NR2F2: variants seen among roughly 807,000 people sequenced by gnomAD.
NR2F2 encodes COUP transcription factor 2.
Under a neutral mutation model 34.8 loss-of-function variants are expected in NR2F2, and 2 were observed. The observed-to-expected ratio is 0.06, with a 90% CI of 0.02 to 0.18. NR2F2 has a LOEUF of 0.18. Among genes scored for constraint, NR2F2 ranks in the 10% least tolerant of loss-of-function variants. NR2F2 has a pLI of 1.00. For missense variants in NR2F2, 300 were observed against 580.1 expected (o/e 0.52, Z 4.96); for synonymous variants, 274 against 251.8 (o/e 1.09, Z -0.84).
Position 96,334,597 on chromosome 15 carries a change from AC to A in NR2F2, c.966del (p.Ser323GlnfsTer9). 6.3e-7 allele frequency: 1 copy of A among 1,592,516 alleles called. No homozygotes were observed. The part of the protein sequence containing the change: ...YSCLKAIVLF[T>X]SDACGLSDVA... ...CTGCCTCAAGGCCATAGTCCTGTTC[AC>A]CTCAGGTAGGAAGGAGCCCTGTCTT... On this transcript the variant is annotated frameshift_variant, in exon 2 of 3. Transcript: ENST00000394166. LOFTEE classifies it high-confidence loss of function.
chr15:96,332,697 A>T (rs1899182424), intron 1 of NR2F2, 150 bp downstream of exon 1: 54 of 1,432,702 alleles, frequency 3.8e-5, no homozygotes, highest in Non-Finnish European at 4.8e-5. Flanking sequence ...CGAGTTCTGC[A>T]TTGGAACCCA....
At chr15:96,326,292 T>C, upstream of NR2F2, 1 of 1,610,936 alleles carries the variant, frequency 6.2e-7, no homozygotes, top group African/African-American at 1.3e-5. This position sits in a 1 kb window ranked among gnomAD's most constrained non-coding sequence, Gnocchi z 5.5. Context: ...AGGAGAGTTA[T>C]TCCAGTTTAG....
Position 96,334,362 on chromosome 15 carries a change from C to A in NR2F2, c.729C>A (p.Ala243=). ...ACCTGCAGATCACGGACCAGGTGGCCCTGCTTCGCCTCACCTGGAGCGAGC... is the reference window on the plus strand; with the variant it reads ...ACCTGCAGATCACGGACCAGGTGGCACTGCTTCGCCTCACCTGGAGCGAGC... ...FPDLQITDQV[A]LLRLTWSELF... The change falls in exon 2 of 3, where the codon GCC becomes GCA. Residue 243 remains alanine (A), a synonymous_variant. Transcript: ENST00000394166. The A allele has an allele frequency of 1.2e-6, 2 of 1,614,216 alleles. No homozygotes were observed. The highest frequency in any genetic ancestry group is 1.7e-6 in the Non-Finnish European group (2 of 1,180,044).
intron 1 of NR2F2, 66 bp downstream of exon 1, chr15:96,332,613 C>G: frequency 6.4e-7 from 1 of 1,573,210 alleles, no homozygotes; most frequent in South Asian, 1.2e-5. Flanking sequence ...TTTGGCTAGC[C>G]TGCTCTGGGT....
chr15:96,331,173 C>A lies in NR2F2; in HGVS notation c.-933C>A. 2 of 972,828 alleles carry A rather than the reference C, an allele frequency of 2.1e-6. No individual in the cohort carries two copies. The highest frequency in any genetic ancestry group is 2.4e-6 in the Non-Finnish European group (2 of 818,776). The allele number at this position is 972,828 out of a possible 1,614,324, so 60.3% of individuals were successfully genotyped here. A position where few individuals can be genotyped will look rare whatever the true frequency, so the allele number is the denominator to read the frequency against. On this transcript the variant is annotated 5_prime_UTR_variant, in exon 1 of 3. Coordinates refer to ENST00000394166, the MANE Select transcript of NR2F2 (RefSeq NM_021005.4). ...CCGGCGGCTTCGGCGGCGGCTCCGGCGGCAGCGGCGGCCCGGGCGGCCCGC... is the reference window on the plus strand; with the variant it reads ...CCGGCGGCTTCGGCGGCGGCTCCGGAGGCAGCGGCGGCCCGGGCGGCCCGC...
chr15:96,334,041 C>A, intron 1 of NR2F2, 35 bp from the exon 2 acceptor site: 1 of 1,592,896 alleles, frequency 6.3e-7, no homozygotes, highest in Non-Finnish European at 8.5e-7. Flanking sequence ...TGAGGCTGGT[C>A]ATTAACTGTG....
Position 96,332,464 on chromosome 15 carries a change from A to G in NR2F2, c.359A>G (p.Asn120Ser). The G allele has an allele frequency of 1.2e-6, 2 of 1,614,170 alleles. No individual in the cohort carries two copies. Among genetic ancestry groups the G allele is most frequent in the Non-Finnish European group, 1.7e-6 (2 of 1,180,014 alleles). ...NLSYTCRANR[N>S]CPIDQHHRNQ... Reference sequence around the variant, plus strand: ...AGCTACACGTGCCGCGCCAACCGGAACTGTCCCATCGACCAGCACCATCGC... The same window carrying G: ...AGCTACACGTGCCGCGCCAACCGGAGCTGTCCCATCGACCAGCACCATCGC... The change falls in exon 1 of 3, where the codon AAC (asparagine) becomes AGC (serine). Residue 120 changes from asparagine to serine, a missense_variant. Physicochemically the swap from Asn to Ser is conservative, Grantham distance 46 (BLOSUM62 1). Transcript: ENST00000394166.
upstream of NR2F2, among the ~76,000 whole-genome samples, chr15:96,329,181 T>C (rs1218937153): frequency 6.6e-6 from 1 of 152,298 alleles, no homozygotes. Context: ...GCATGAGGTT[T>C]TTTCTTGGTG....
chr15:96,334,716 G>T (rs1899269069), intron 2 of NR2F2, 113 bp downstream of exon 2: 7 of 1,177,882 alleles, frequency 5.9e-6, no homozygotes, highest in Non-Finnish European at 7.1e-6. Flanking sequence ...AGGCCAAACT[G>T]TTGAGTGCAA....
At position 96,337,298 on chromosome 15, in the gene NR2F2, TC is replaced by T. The variant is rs776816500; in HGVS notation, c.971-49del. The T allele has an allele frequency of 1.3e-4, 208 of 1,583,360 alleles. No homozygotes were observed. The African/African-American group carries it at 2.4e-3, about 18-fold the overall frequency. On this transcript the variant is annotated intron_variant, in intron 2 of 2. Transcript: ENST00000394166. ...ATGACTGAATTCTTCTTCTTCTTCT[TC>T]TTCTTCTTTTTCTTCTTCTTCTTCT...
Position 96,331,572 on chromosome 15 carries a change from TCTTCCTC to T in NR2F2, c.-531_-525del, listed in dbSNP as rs996174969. 3.3e-5 allele frequency: 40 copies of T among 1,218,312 alleles called. No homozygotes were observed. The African/African-American group carries it at 6.2e-4, about 19-fold the overall frequency. The allele number at this position is 1,218,312 out of a possible 1,614,324, so 75.5% of individuals were successfully genotyped here. ...TACCTCCTCCTTCACCACCACCTCC[TCTTCCTC>T]CTCCTCCTCCTCCTCCTCCTCCGCC... On this transcript the variant is annotated 5_prime_UTR_variant, in exon 1 of 3. The change abolishes the stop of an existing upstream ORF in the 5' untranslated region. Coordinates refer to ENST00000394166, the MANE Select transcript of NR2F2 (RefSeq NM_021005.4).
Position 96,331,115 on chromosome 15 carries a change from G to A in NR2F2, c.-991G>A. 2.5e-6 allele frequency: 3 copies of A among 1,197,302 alleles called. No individual in the cohort carries two copies. The African/African-American group carries it at 4.8e-5, about 19-fold the overall frequency. 74.2% of individuals were successfully genotyped at this position (1,197,302 alleles called of 1,614,324 possible). ...CGGCAGCAGCGACTTCAGCGGCGGC[G>A]GCGGCGCTAGACGCAGCGGCTCCGG... On this transcript the variant is annotated 5_prime_UTR_variant, in exon 1 of 3. Coordinates refer to ENST00000394166, the MANE Select transcript of NR2F2 (RefSeq NM_021005.4).
intron 1 of NR2F2, 165 bp downstream of exon 1, chr15:96,332,712 C>T: frequency 2.8e-6 from 4 of 1,405,732 alleles, no homozygotes; most frequent in Non-Finnish European, 3.7e-6. Flanking sequence ...AACCCAGACC[C>T]CAAATCCGCA....
chr15:96,331,530 C>G lies in NR2F2; in HGVS notation c.-576C>G. ...GCCCTGGACTTGGCCCCCGGACAGT[C>G]GCCTCTCCTCCTCCTCTACCTCCTC... is the stretch of plus-strand genomic sequence containing the variant. On this transcript the variant is annotated 5_prime_UTR_variant, in exon 1 of 3. Transcript: ENST00000394166. 8.1e-7 allele frequency: 1 copy of G among 1,229,148 alleles called. No homozygotes were observed. Among genetic ancestry groups the G allele is most frequent in the African/African-American group, 1.6e-5 (1 of 64,130 alleles). 76.1% of individuals were successfully genotyped at this position (1,229,148 alleles called of 1,614,324 possible). A position where few individuals can be genotyped will look rare whatever the true frequency, so the allele number is the denominator to read the frequency against.
chr15:96,334,005 C>T, intron 1 of NR2F2, 71 bp from the exon 2 acceptor site: 1 of 1,556,468 alleles, frequency 6.4e-7, no homozygotes, highest in Non-Finnish European at 8.7e-7. Flanking sequence ...CGGGCTGGGG[C>T]AGACCCCGCC....
rs1382256804 is a variant in NR2F2, at chr15:96,337,672, A to C, written c.*50A>C. Reference sequence around the variant, plus strand: ...GAAACAGAGAAAGAAAAGGCAAAAGACTGGTTTGTTTGCTTAATTTCCTTC... The same window carrying C: ...GAAACAGAGAAAGAAAAGGCAAAAGCCTGGTTTGTTTGCTTAATTTCCTTC... On this transcript the variant is annotated 3_prime_UTR_variant, in exon 3 of 3. Coordinates refer to ENST00000394166, the MANE Select transcript of NR2F2 (RefSeq NM_021005.4). 2 of 1,565,728 alleles carry C rather than the reference A, an allele frequency of 1.3e-6. No homozygotes were observed. The highest frequency in any genetic ancestry group is 1.4e-5 in the African/African-American group (1 of 73,052).
Position 96,331,637 on chromosome 15 carries a change from A to T in NR2F2, c.-469A>T, listed in dbSNP as rs1343734728. On this transcript the variant is annotated 5_prime_UTR_variant, in exon 1 of 3. Transcript: ENST00000394166. ...CGGCTGCACACCAGCTCTAAGAGCGAGAGTGAACGAGAGAGGGAGGGAGAG... is the reference window on the plus strand; with the variant it reads ...CGGCTGCACACCAGCTCTAAGAGCGTGAGTGAACGAGAGAGGGAGGGAGAG... 9.4e-6 allele frequency: 11 copies of T among 1,169,460 alleles called. No homozygotes were observed. Among genetic ancestry groups the T allele is most frequent in the African/African-American group, 1.6e-5 (1 of 62,504 alleles). 72.4% of individuals were successfully genotyped at this position (1,169,460 alleles called of 1,614,324 possible).
rs186627056 is a variant in NR2F2, at chr15:96,337,168, C to A, written c.971-180C>A. On this transcript the variant is annotated intron_variant, in intron 2 of 2. Transcript: ENST00000394166. ...TTTCTTCCCCCACCCCGCCTCCCCC[C>A]CTTAAGTTTTCAGTACATAGACATT... is the stretch of plus-strand genomic sequence containing the variant. Among the ~76,000 whole-genome samples the A allele has an allele frequency of 9.7e-4, 147 of 152,184 alleles. 1 individual carries two copies. In the East Asian group the frequency reaches 0.021, roughly 22 times the overall value.
chr15:96,333,553 T>G (rs986336196), intron 1 of NR2F2: 2 of 1,011,558 alleles, frequency 2.0e-6, no homozygotes, highest in African/African-American at 3.4e-5. Context: ...TCTCTGCTTG[T>G]CTCTCACTGG....
Sources: allele counts gnomAD v4.1 joint callset (sites outside exome capture counted in the v4.1 genomes callset), GRCh38; gene constraint gnomAD v4.1.1; non-coding constraint Gnocchi (gnomAD v3.1); transcripts MANE v1.5; gene names NCBI Gene and HGNC (gene_info 2026-07-23, HGNC 2026-07-21).